Variants in FBXW7 observed in about 807,000 individuals in gnomAD.
The protein encoded by FBXW7 is F-box/WD repeat-containing protein 7.
In FBXW7, 11 loss-of-function variants were observed where a neutral mutation model predicts 86.3. That is an observed-to-expected ratio of 0.13 (90% confidence interval 0.08 to 0.21). FBXW7 has a LOEUF of 0.21. FBXW7 is among the 10% of genes least tolerant of loss of function. The pLI is 1.00. For missense variants in FBXW7, 488 were observed against 847.4 expected (o/e 0.58, Z 5.27); for synonymous variants, 313 against 297.9 (o/e 1.05, Z -0.52).
At chr4:152,366,034 G>A (rs1733446463) in intron 4 of FBXW7, among the ~76,000 whole-genome samples, 1 of 152,086 alleles carries the variant, frequency 6.6e-6, no homozygotes, top group Non-Finnish European at 1.5e-5. Context: ...AACAATGGTA[G>A]AGCTACAGAA....
At chr4:152,416,670 C>T (rs886597897) in intron 2 of FBXW7, among the ~76,000 whole-genome samples, 8 of 152,130 alleles carry the variant, frequency 5.3e-5, no homozygotes, top group Non-Finnish European at 1.2e-4. Context: ...TGGCAAGTGT[C>T]ATCATATACA....
intron 4 of FBXW7, among the ~76,000 whole-genome samples, chr4:152,381,529 C>T (rs567877160): frequency 6.6e-6 from 1 of 151,988 alleles, no homozygotes; most frequent in East Asian, 1.9e-4. Flanking sequence ...CAAAAAATTG[C>T]TCATGTTAAC....
intron 4 of FBXW7, chr4:152,352,926 T>TG: frequency 7.0e-7 from 1 of 1,419,888 alleles, no homozygotes. Flanking sequence ...TGCACATCAA[T>TG]TATATGGTGA....
chr4:152,465,302 G>A (rs964308087), intron 2 of FBXW7, among the ~76,000 whole-genome samples: 1 of 152,068 alleles, frequency 6.6e-6, no homozygotes, highest in Non-Finnish European at 1.5e-5. Flanking sequence ...AACAAGAGAA[G>A]GGAAGAGGAA....
At chr4:152,375,539 C>T (rs1270813571) in intron 4 of FBXW7, among the ~76,000 whole-genome samples, 2 of 151,972 alleles carry the variant, frequency 1.3e-5, no homozygotes, top group Admixed American at 1.3e-4. Flanking sequence ...AATAAAATCA[C>T]TATGAGCGAC....
At chr4:152,346,313 A>T (rs981573042) in intron 6 of FBXW7, among the ~76,000 whole-genome samples, 1 of 152,170 alleles carries the variant, frequency 6.6e-6, no homozygotes, top group Admixed American at 6.6e-5. Context: ...ATGGTTCTTA[A>T]ATTACTCTTA....
intron 2 of FBXW7, among the ~76,000 whole-genome samples, chr4:152,467,286 C>T (rs1342734537): frequency 3.3e-5 from 5 of 152,030 alleles, no homozygotes; most frequent in South Asian, 4.1e-4. Context: ...GGGGCTTTTC[C>T]CCCGATTCAC....
intron 2 of FBXW7, among the ~76,000 whole-genome samples, chr4:152,501,487 A>G (rs1177222066): frequency 6.6e-6 from 1 of 152,240 alleles, no homozygotes. Flanking sequence ...GCAAAGTAAT[A>G]AAGAAAAAAA....
intron 2 of FBXW7, among the ~76,000 whole-genome samples, chr4:152,497,131 T>C (rs568019999): frequency 9.5e-4 from 145 of 152,108 alleles, no homozygotes; most frequent in African/African-American, 3.3e-3. Context: ...GAGACCAGCC[T>C]GGACAACACA....
chr4:152,461,547 T>C (rs1742945836), intron 2 of FBXW7, among the ~76,000 whole-genome samples: 1 of 152,228 alleles, frequency 6.6e-6, no homozygotes, highest in Non-Finnish European at 1.5e-5. Flanking sequence ...AACATAGGAC[T>C]CCTTAAATTC....
chr4:152,354,198 GAA>G (rs1390721595), intron 4 of FBXW7, among the ~76,000 whole-genome samples: 3 of 151,944 alleles, frequency 2.0e-5, no homozygotes, highest in Admixed American at 2.0e-4. Flanking sequence ...GAGTCTTCTA[GAA>G]ATTATATTCT....
chr4:152,371,276 T>C (rs1462232921), intron 4 of FBXW7, among the ~76,000 whole-genome samples: 2 of 152,050 alleles, frequency 1.3e-5, no homozygotes, highest in Non-Finnish European at 2.9e-5. Flanking sequence ...CAACCTTCCA[T>C]AGTGGCATGG....
intron 2 of FBXW7, among the ~76,000 whole-genome samples, chr4:152,524,705 C>T (rs923651254): frequency 6.6e-6 from 1 of 152,066 alleles, no homozygotes; most frequent in Non-Finnish European, 1.5e-5. Flanking sequence ...CTGCCTCTCT[C>T]CCCACCTCTG....
chr4:152,440,760 TCTA>T (rs1740818706), intron 2 of FBXW7, among the ~76,000 whole-genome samples: 1 of 152,120 alleles, frequency 6.6e-6, no homozygotes, highest in South Asian at 2.1e-4. Flanking sequence ...AGAGATGTAA[TCTA>T]AGCATTCCCC....
chr4:152,349,992 C>A, intron 5 of FBXW7, 50 bp downstream of exon 5: 5 of 1,034,570 alleles, frequency 4.8e-6, no homozygotes, highest in South Asian at 1.7e-5. Context: ...CTTTCAGAAT[C>A]AACTCTAAAA....
intron 4 of FBXW7, among the ~76,000 whole-genome samples, chr4:152,379,803 A>G (rs1195039885): frequency 1.3e-5 from 2 of 152,210 alleles, no homozygotes; most frequent in Non-Finnish European, 2.9e-5. Flanking sequence ...TAATTTATAT[A>G]ATACATTAAC....
intron 2 of FBXW7, among the ~76,000 whole-genome samples, chr4:152,477,547 AC>A (rs1744527037): frequency 1.3e-5 from 2 of 152,120 alleles, no homozygotes; most frequent in Non-Finnish European, 2.9e-5. Context: ...AAAATAGTAA[AC>A]CCCAAAAAAA....
chr4:152,440,613 G>C (rs1463919779), intron 2 of FBXW7, among the ~76,000 whole-genome samples: 2 of 152,088 alleles, frequency 1.3e-5, no homozygotes, highest in Non-Finnish European at 2.9e-5. Context: ...TTCTGAAACA[G>C]GTATATCCTG....
At chr4:152,455,909 C>T (rs1742358529) in intron 2 of FBXW7, among the ~76,000 whole-genome samples, 1 of 152,102 alleles carries the variant, frequency 6.6e-6, no homozygotes, top group Admixed American at 6.5e-5. Context: ...ATTTCAAAAT[C>T]TTTAACTTAA....
Sources: gnomAD v4.1 joint callset for allele counts (sites outside exome capture counted in the v4.1 genomes callset) on GRCh38, gnomAD v4.1.1 for gene constraint, MANE v1.5 for transcripts, NCBI Gene and HGNC (gene_info 2026-07-23, HGNC 2026-07-21) for gene names.